Variants in TBC1D23 observed in about 807,000 individuals in gnomAD.
TBC1D23 encodes HCV non-structural protein 4A-transactivated protein 1.
In TBC1D23, 55 loss-of-function variants were observed where a neutral mutation model predicts 91.4. That is an observed-to-expected ratio of 0.60 (90% CI 0.48 to 0.75). The LOEUF is 0.75. Among genes scored for constraint, TBC1D23 ranks in the 30% least tolerant of loss-of-function variants. The pLI is 0.00. For missense variants in TBC1D23, 725 were observed against 836.1 expected, an observed-to-expected ratio of 0.87 and a Z score of 1.64; for synonymous variants, 289 against 281.0, an observed-to-expected ratio of 1.03 and a Z score of -0.28.
At chr3:100,305,670 T>C (rs1321213959) in intron 12 of TBC1D23, among the ~76,000 whole-genome samples, 2 of 152,170 alleles carry the variant, frequency 1.3e-5, no homozygotes, top group African/African-American at 4.8e-5. Context: ...ACTTAGGATT[T>C]TGGGAACATT....
rs931387664 is a variant in TBC1D23 at position 100,275,592 on chromosome 3, T to A, written c.54-4057T>A. ...CCCCTGGCCTGGTTTGGGTTTAGTT[T>A]TTGAGTGAGGTTTTAATAGACTTGA... is the stretch of plus-strand genomic sequence containing the variant. On this transcript the variant is annotated intron_variant, in intron 1 of 18. Coordinates refer to ENST00000394144, the MANE Select transcript of TBC1D23 (RefSeq NM_001199198.3). 8.0e-4 allele frequency among the ~76,000 whole-genome samples: 122 copies of A among 152,306 alleles called. 1 individual carries two copies. Among genetic ancestry groups the A allele is most frequent in the African/African-American group, 2.8e-3 (115 of 41,582 alleles).
chr3:100,281,705 CA>C, intron 2 of TBC1D23, 36 bp from the exon 3 acceptor site: 2 of 1,299,160 alleles, frequency 1.5e-6, no homozygotes, highest in Non-Finnish European at 2.2e-6. Flanking sequence ...TGAGGAATAA[CA>C]TATGAAGCTA....
chr3:100,295,347 CAGTA>C lies in TBC1D23; in HGVS notation c.772+4_772+7del. The C allele has an allele frequency of 6.2e-7, 1 of 1,605,130 alleles. No individual in the cohort carries two copies. The highest frequency in any genetic ancestry group is 8.5e-7 in the Non-Finnish European group (1 of 1,175,198). On this transcript the variant is annotated splice_donor_variant and splice_donor_region_variant and coding_sequence_variant and intron_variant, in exon 7 of 19. Transcript: ENST00000394144. LOFTEE classifies it high-confidence loss of function. Reference sequence around the variant, plus strand: ...AGTCAGACAGCAAAGAAGAAGTTATCAGTAAGTATCATTTAATGTAGTGAAAACA... The same window carrying C: ...AGTCAGACAGCAAAGAAGAAGTTATCAGTATCATTTAATGTAGTGAAAACA...
chr3:100,299,805 C>G (rs930502007), intron 10 of TBC1D23, among the ~76,000 whole-genome samples: 4 of 152,326 alleles, frequency 2.6e-5, no homozygotes, highest in South Asian at 2.1e-4. Flanking sequence ...GCCACCACGC[C>G]CAGCCCAGAT....
intron 17 of TBC1D23, among the ~76,000 whole-genome samples, chr3:100,319,463 T>C (rs1705812233): frequency 6.6e-6 from 1 of 151,992 alleles, no homozygotes; most frequent in African/African-American, 2.4e-5. Flanking sequence ...AGTTTTGCTC[T>C]TGTTGCCCAG....
intron 9 of TBC1D23, among the ~76,000 whole-genome samples, chr3:100,299,019 GAAC>G (rs1188060241): frequency 6.6e-6 from 1 of 152,050 alleles, no homozygotes; most frequent in Non-Finnish European, 1.5e-5. Flanking sequence ...TTCCAGTAAA[GAAC>G]AACATCTAAA....
At chr3:100,293,350 G>C (rs1228437522) in intron 5 of TBC1D23, among the ~76,000 whole-genome samples, 1 of 151,770 alleles carries the variant, frequency 6.6e-6, no homozygotes, top group Non-Finnish European at 1.5e-5. Flanking sequence ...AGCCAGGATG[G>C]TCTCGATCTC....
chr3:100,297,883 T>C lies in TBC1D23; in HGVS notation c.877-40T>C, dbSNP rs764537694. ...GAATATTTTTAGGAAGAAAGTTTGA[T>C]TTTTTTTTTCATAATGTTTAAAAAT... On this transcript the variant is annotated intron_variant, in intron 8 of 18. Coordinates refer to ENST00000394144, the MANE Select transcript of TBC1D23 (RefSeq NM_001199198.3). 9.9e-5 allele frequency: 133 copies of C among 1,344,252 alleles called. 1 individual carries two copies. The South Asian group carries it at 1.8e-3, about 18-fold the overall frequency. The allele number at this position is 1,344,252 out of a possible 1,614,324, so 83.3% of individuals were successfully genotyped here. A position where few individuals can be genotyped will look rare whatever the true frequency, so the allele number is the denominator to read the frequency against.
intron 17 of TBC1D23, 132 bp from the exon 18 acceptor site, chr3:100,320,645 C>T (rs1341570283): frequency 2.1e-6 from 1 of 478,798 alleles, no homozygotes; most frequent in Non-Finnish European, 3.5e-6. Flanking sequence ...AGATTAACCT[C>T]TGTTTATATC....
At chr3:100,306,793 A>G (rs944356496) in intron 13 of TBC1D23, among the ~76,000 whole-genome samples, 1 of 152,220 alleles carries the variant, frequency 6.6e-6, no homozygotes, top group African/African-American at 2.4e-5. Context: ...GCTGAATTCA[A>G]ATTTCTCCCT....
intron 1 of TBC1D23, 125 bp from the exon 2 acceptor site, chr3:100,279,524 C>T (rs1340897577): frequency 1.7e-6 from 1 of 589,056 alleles, no homozygotes; most frequent in Non-Finnish European, 3.0e-6. Flanking sequence ...CTTGGCATTA[C>T]ATTTTGGTTG....
In TBC1D23 at chr3:100,325,165, T is replaced by A. The variant is rs1393340620; in HGVS notation, c.*1497T>A. On this transcript the variant is annotated 3_prime_UTR_variant, in exon 19 of 19. Transcript: ENST00000394144. ...CATTTCAGCCATGGGACATTTTTCA[T>A]AATATTAATGTAAAGATGTTTGTGT... 1.3e-5 allele frequency: 2 copies of A among 152,236 alleles called. No homozygotes were observed. Among genetic ancestry groups the A allele is most frequent in the African/African-American group, 4.8e-5 (2 of 41,458 alleles). 9.4% of individuals were successfully genotyped at this position (152,236 alleles called of 1,614,324 possible).
At chr3:100,264,064 A>G (rs963057728) in intron 1 of TBC1D23, among the ~76,000 whole-genome samples, 2 of 152,048 alleles carry the variant, frequency 1.3e-5, no homozygotes, top group Non-Finnish European at 2.9e-5. Context: ...CCAGAAGAGG[A>G]TTTGAATAGG....
At chr3:100,298,498 T>A (rs894796050) in intron 9 of TBC1D23, among the ~76,000 whole-genome samples, 1 of 152,222 alleles carries the variant, frequency 6.6e-6, no homozygotes, top group Non-Finnish European at 1.5e-5. Flanking sequence ...TGACCAATGA[T>A]GTTTTTAATA....
chr3:100,281,409 C>G (rs1397478334), intron 2 of TBC1D23, among the ~76,000 whole-genome samples: 2 of 152,106 alleles, frequency 1.3e-5, no homozygotes, highest in Non-Finnish European at 2.9e-5. Flanking sequence ...TTAAAATGTA[C>G]ATGGCACAGA....
chr3:100,286,955 C>T (rs1180738103), intron 4 of TBC1D23, among the ~76,000 whole-genome samples: 1 of 151,426 alleles, frequency 6.6e-6, no homozygotes, highest in Non-Finnish European at 1.5e-5. Context: ...GCTGGAATCA[C>T]AGGCGTGTGC....
intron 5 of TBC1D23, 52 bp from the exon 6 acceptor site, chr3:100,295,035 G>T: frequency 6.6e-7 from 1 of 1,506,114 alleles, no homozygotes; most frequent in Non-Finnish European, 8.9e-7. Flanking sequence ...ACTTTTAAGA[G>T]AACAAGTCAC....
chr3:100,271,492 G>A (rs2067598921), intron 1 of TBC1D23, among the ~76,000 whole-genome samples: 1 of 152,184 alleles, frequency 6.6e-6, no homozygotes, highest in African/African-American at 2.4e-5. Context: ...GGGAGTGGGT[G>A]GAGATAAGAG....
chr3:100,267,851 T>G (rs1576155967), intron 1 of TBC1D23, among the ~76,000 whole-genome samples: 1 of 152,224 alleles, frequency 6.6e-6, no homozygotes, highest in Non-Finnish European at 1.5e-5. Context: ...ACATCTCATT[T>G]GGATCTTAAA....
Sources: allele counts gnomAD v4.1 joint callset (sites outside exome capture counted in the v4.1 genomes callset), GRCh38; gene constraint gnomAD v4.1.1; transcripts MANE v1.5; gene names NCBI Gene and HGNC (gene_info 2026-07-23, HGNC 2026-07-21).